SCRG1: variants seen among roughly 807,000 people sequenced by gnomAD.
SCRG1 encodes stimulator of chondrogenesis 1, also known as scrapie-responsive protein 1.
In SCRG1, 3 loss-of-function variants were observed where a neutral mutation model predicts 7.7. The ratio of observed to expected loss-of-function variants is 0.39; its 90% CI spans 0.18 to 1.01. SCRG1 has a LOEUF of 1.01. Among genes scored for constraint, SCRG1 ranks in the 50% least tolerant of loss-of-function variants. SCRG1 has a pLI of 0.36. For synonymous variants in SCRG1, 46 were observed against 41.2 expected, an observed-to-expected ratio of 1.12 and a Z score of -0.44; for missense variants, 110 against 117.2, an observed-to-expected ratio of 0.94 and a Z score of 0.28.
At chr4:173,464,076 G>C in the SCRG1 span, among the ~76,000 whole-genome samples, 6 of 152,064 alleles carry the variant, frequency 3.9e-5, no homozygotes, top group Non-Finnish European at 8.8e-5. Context: ...TCAGTGGAAG[G>C]GTGGGGATTG....
At chr4:173,436,326 T>G in the SCRG1 span, among the ~76,000 whole-genome samples, 1 of 152,206 alleles carries the variant, frequency 6.6e-6, no homozygotes, top group Admixed American at 6.5e-5. Context: ...CTCTTTGTTA[T>G]GTCCACATTC....
the SCRG1 span, among the ~76,000 whole-genome samples, chr4:173,415,010 C>T: frequency 6.6e-6 from 1 of 152,216 alleles, no homozygotes; most frequent in Non-Finnish European, 1.5e-5. Flanking sequence ...CTACCAGGCT[C>T]ACATCCCATA....
chr4:173,410,888 C>T (rs543874163), upstream of SCRG1, among the ~76,000 whole-genome samples: 48 of 152,310 alleles, frequency 3.2e-4, no homozygotes, highest in African/African-American at 9.4e-4. Context: ...AGGAGCAGCA[C>T]ATTGGGAGCA....
chr4:173,504,468 A>C, the SCRG1 span, among the ~76,000 whole-genome samples: 3 of 152,152 alleles, frequency 2.0e-5, no homozygotes, highest in African/African-American at 7.2e-5. The surrounding 1 kb of genome is among the most constrained non-coding windows in gnomAD (Gnocchi z 4.7). Flanking sequence ...CTTTGTCTGC[A>C]AATGTGGGAC....
the SCRG1 span, chr4:173,469,833 C>A: frequency 7.1e-3 from 1,085 of 152,318 alleles, 20 homozygotes; most frequent in African/African-American, 0.024. Flanking sequence ...CTTGTTACTG[C>A]TGGATCCATT....
At chr4:173,449,014 C>T in the SCRG1 span, among the ~76,000 whole-genome samples, 1 of 152,146 alleles carries the variant, frequency 6.6e-6, no homozygotes, top group African/African-American at 2.4e-5. Context: ...TGCTAAGTTC[C>T]CAAGGGAATC....
At chr4:173,403,052 A>G (rs79274064), upstream of SCRG1, 81 of 152,328 alleles carry the variant, frequency 5.3e-4, 1 homozygote, top group East Asian at 0.015. Context: ...CCCTTAAGAT[A>G]TCCACTGAAC....
At chr4:173,479,431 G>GTT in the SCRG1 span, among the ~76,000 whole-genome samples, 7 of 130,022 alleles carry the variant, frequency 5.4e-5, no homozygotes, top group East Asian at 2.6e-4. Context: ...TTTTTTGTTT[G>GTT]TTTGTTTTTT....
Position 173,388,175 on chromosome 4 carries a change from A to G in SCRG1, c.*166T>C. 2.1e-6 allele frequency: 1 copy of G among 480,418 alleles called. No homozygotes were observed. 29.8% of individuals were successfully genotyped at this position (480,418 alleles called of 1,614,324 possible). ...CACAGAGAAAAATTAGATTGAATTA[A>G]CTTTTATTACTACTTGTTTAACACA... On this transcript the variant is annotated 3_prime_UTR_variant, in exon 3 of 3. Transcript: ENST00000296506.
the SCRG1 span, among the ~76,000 whole-genome samples, chr4:173,500,198 G>T: frequency 1.3e-5 from 2 of 152,178 alleles, no homozygotes; most frequent in African/African-American, 2.4e-5. Context: ...AAAGCCCTGC[G>T]AAAACGCCCC....
At chr4:173,416,212 C>T in the SCRG1 span, among the ~76,000 whole-genome samples, 1 of 152,254 alleles carries the variant, frequency 6.6e-6, no homozygotes, top group African/African-American at 2.4e-5. Flanking sequence ...TGCTCAAAGC[C>T]TCTTTATTTA....
At chr4:173,416,897 C>A in the SCRG1 span, among the ~76,000 whole-genome samples, 1 of 137,552 alleles carries the variant, frequency 7.3e-6, no homozygotes, top group Non-Finnish European at 1.5e-5. Context: ...ATCACATCAT[C>A]ACACACACAC....
the SCRG1 span, among the ~76,000 whole-genome samples, chr4:173,518,910 C>T: frequency 6.7e-6 from 1 of 150,172 alleles, no homozygotes; most frequent in African/African-American, 2.5e-5. Flanking sequence ...TTTGGCCCGG[C>T]GGTCCACCCC....
the SCRG1 span, among the ~76,000 whole-genome samples, chr4:173,442,763 G>C: frequency 6.6e-6 from 1 of 152,128 alleles, no homozygotes; most frequent in Non-Finnish European, 1.5e-5. Context: ...AAGTGAGGAC[G>C]TGGGACAAAG....
At chr4:173,397,617 T>C (rs545411015) in intron 1 of SCRG1, among the ~76,000 whole-genome samples, 1 of 152,340 alleles carries the variant, frequency 6.6e-6, no homozygotes, top group South Asian at 2.1e-4. Context: ...TACCATCCTT[T>C]GGTAGGGAGT....
At chr4:173,486,166 A>G in the SCRG1 span, among the ~76,000 whole-genome samples, 1 of 152,160 alleles carries the variant, frequency 6.6e-6, no homozygotes, top group Non-Finnish European at 1.5e-5. Flanking sequence ...TTGAAAAAGT[A>G]TGTTGGGCAG....
At chr4:173,437,662 G>A in the SCRG1 span, among the ~76,000 whole-genome samples, 1 of 152,212 alleles carries the variant, frequency 6.6e-6, no homozygotes, top group African/African-American at 2.4e-5. Flanking sequence ...AGCTGTATCA[G>A]AAGCTAGAAT....
chr4:173,515,846 C>T, the SCRG1 span, among the ~76,000 whole-genome samples: 2 of 152,086 alleles, frequency 1.3e-5, no homozygotes, highest in Admixed American at 6.5e-5. The surrounding 1 kb of genome is among the most constrained non-coding windows in gnomAD (Gnocchi z 4.6). Flanking sequence ...GGGGTGGGGA[C>T]GTATCTTTTT....
the SCRG1 span, among the ~76,000 whole-genome samples, chr4:173,479,034 G>A: frequency 6.6e-6 from 1 of 152,150 alleles, no homozygotes; most frequent in East Asian, 1.9e-4. Flanking sequence ...CATTCCCACA[G>A]TAAGGCCTGG....
Sources: allele counts gnomAD v4.1 joint callset (sites outside exome capture counted in the v4.1 genomes callset), GRCh38; gene constraint gnomAD v4.1.1; non-coding constraint Gnocchi (gnomAD v3.1); transcripts MANE v1.5; gene names NCBI Gene and HGNC (gene_info 2026-07-23, HGNC 2026-07-21).